PHACTR1: variants seen among roughly 807,000 people sequenced by gnomAD.
PHACTR1 encodes the protein phosphatase and actin regulator 1.
A neutral mutation model predicts 69.2 loss-of-function variants in PHACTR1; 16 were observed. That is an observed-to-expected ratio of 0.23 (90% CI 0.16 to 0.35). The LOEUF (loss-of-function observed/expected upper bound fraction) is 0.35, where lower values mean the gene tolerates loss of function less well. Ranked by LOEUF, PHACTR1 falls within the 10% of genes least tolerant of loss-of-function variation. PHACTR1 has a pLI of 1.00. For synonymous variants in PHACTR1, 312 were observed against 284.5 expected (o/e 1.10, Z -0.97); for missense variants, 510 against 734.7 (o/e 0.69, Z 3.54).
intron 5 of PHACTR1, among the ~76,000 whole-genome samples, chr6:13,135,890 A>C (rs528059895): frequency 4.8e-4 from 73 of 152,186 alleles, no homozygotes; most frequent in African/African-American, 1.7e-3. Context: ...AAAAATAAAT[A>C]AAAATGTATT....
intron 4 of PHACTR1, among the ~76,000 whole-genome samples, chr6:12,907,944 A>G (rs1470698517): frequency 1.3e-5 from 2 of 152,224 alleles, no homozygotes; most frequent in African/African-American, 4.8e-5. Context: ...GTCATGTTTT[A>G]ATTATTATTT....
chr6:13,075,298 TGCCC>T (rs1810251367), intron 5 of PHACTR1, among the ~76,000 whole-genome samples: 2 of 152,144 alleles, frequency 1.3e-5, no homozygotes, highest in Non-Finnish European at 2.9e-5. Context: ...TTAAGCAACT[TGCCC>T]CAAGGTCGCG....
chr6:13,215,193 G>A (rs981976901), intron 8 of PHACTR1, among the ~76,000 whole-genome samples: 3 of 152,188 alleles, frequency 2.0e-5, no homozygotes, highest in Non-Finnish European at 4.4e-5. Flanking sequence ...ACCAGGCTCC[G>A]TGCTTGGCAC....
At chr6:12,945,158 C>T (rs1790536493) in intron 4 of PHACTR1, among the ~76,000 whole-genome samples, 2 of 152,110 alleles carry the variant, frequency 1.3e-5, no homozygotes, top group African/African-American at 4.8e-5. Context: ...ACATTCTTCC[C>T]CTTTTGCCTC....
chr6:13,052,339 C>T (rs1806090057), intron 4 of PHACTR1, among the ~76,000 whole-genome samples: 1 of 152,218 alleles, frequency 6.6e-6, no homozygotes, highest in African/African-American at 2.4e-5. Flanking sequence ...GCAGGTTGAA[C>T]TTGCAAGGAA....
chr6:13,052,108 G>T (rs954082220), intron 4 of PHACTR1, among the ~76,000 whole-genome samples: 51 of 152,288 alleles, frequency 3.3e-4, no homozygotes, highest in African/African-American at 1.2e-3. Flanking sequence ...CACTCAATCA[G>T]TCACTAAGTT....
At chr6:12,930,569 C>G (rs1788757705) in intron 4 of PHACTR1, among the ~76,000 whole-genome samples, 1 of 152,162 alleles carries the variant, frequency 6.6e-6, no homozygotes. Flanking sequence ...GGTGGTGAGT[C>G]ACTGCAGAAG....
intron 11 of PHACTR1, 83 bp from the exon 12 acceptor site, chr6:13,278,185 T>A: frequency 7.5e-7 from 1 of 1,337,300 alleles, no homozygotes; most frequent in Non-Finnish European, 1.0e-6. Context: ...ATGCTTGGCC[T>A]AGAGCCTGCC....
intron 4 of PHACTR1, among the ~76,000 whole-genome samples, chr6:12,875,908 G>A (rs748173851): frequency 2.0e-5 from 3 of 152,136 alleles, no homozygotes; most frequent in South Asian, 2.1e-4. Context: ...GGGGCGCTGC[G>A]TGGAAAAACC....
chr6:13,065,088 G>A (rs1808425418), intron 5 of PHACTR1, among the ~76,000 whole-genome samples: 1 of 152,136 alleles, frequency 6.6e-6, no homozygotes, highest in Admixed American at 6.5e-5. Flanking sequence ...TTTATTTGGG[G>A]CCATGCCAGC....
At chr6:12,797,040 T>TGTGTGTGTGTGTGTGTGAGAGA (rs563796658) in intron 4 of PHACTR1, among the ~76,000 whole-genome samples, 3 of 133,396 alleles carry the variant, frequency 2.2e-5, no homozygotes, top group Admixed American at 7.8e-5. Context: ...TGTGTGTGTG[T>TGTGTGTGTGTGTGTGTGAGAGA]GAGAGAGAGA....
At chr6:12,893,177 A>G (rs531292171) in intron 4 of PHACTR1, among the ~76,000 whole-genome samples, 8 of 152,280 alleles carry the variant, frequency 5.3e-5, no homozygotes, top group Non-Finnish European at 8.8e-5. Flanking sequence ...CCTGTAAGCC[A>G]TATCTTACAG....
intron 6 of PHACTR1, 73 bp downstream of exon 6, chr6:13,160,357 TC>T: frequency 7.7e-7 from 1 of 1,291,446 alleles, no homozygotes; most frequent in African/African-American, 1.5e-5. Flanking sequence ...TGCTTGGAGT[TC>T]CATTTCATTT....
chr6:13,032,636 G>C (rs1352229311), intron 4 of PHACTR1, among the ~76,000 whole-genome samples: 1 of 140,620 alleles, frequency 7.1e-6, no homozygotes, highest in Non-Finnish European at 1.5e-5. Context: ...TTTTTTTTTT[G>C]ACATGGGGTC....
At chr6:12,806,872 T>G (rs1774408245) in intron 4 of PHACTR1, among the ~76,000 whole-genome samples, 1 of 152,178 alleles carries the variant, frequency 6.6e-6, no homozygotes, top group Non-Finnish European at 1.5e-5. Flanking sequence ...GGACATATAT[T>G]TTCAGAATTG....
rs1381162771 is a variant in PHACTR1 at position 13,245,296 on chromosome 6, GC to G, written c.1391+15104del. ...ATGGCTGTTTACAATCCCACCAGTA[GC>G]ATGTAAGCATTCTCTTTTCCCCACA... On this transcript the variant is annotated intron_variant, in intron 10 of 14. Transcript: ENST00000332995. The surrounding 1 kb of genome is among the most constrained non-coding windows in gnomAD (Gnocchi z 4.1). 6.6e-6 allele frequency among the ~76,000 whole-genome samples: 1 copy of G among 152,198 alleles called. No individual in the cohort carries two copies. Among genetic ancestry groups the G allele is most frequent in the Non-Finnish European group, 1.5e-5 (1 of 68,028 alleles).
chr6:12,843,599 A>G (rs1778914181), intron 4 of PHACTR1, among the ~76,000 whole-genome samples: 1 of 152,242 alleles, frequency 6.6e-6, no homozygotes, highest in African/African-American at 2.4e-5. Context: ...GTGTTAAACC[A>G]TGCATCATAA....
rs895103993 is a variant in PHACTR1 at position 12,902,281 on chromosome 6, G to A, written c.251-151084G>A. ...CTATTAAAAATACAAAAATTAGCTG[G>A]ATATGGTGGCACGTACCTGTAATAT... On this transcript the variant is annotated intron_variant, in intron 4 of 14. Coordinates refer to ENST00000332995, the MANE Select transcript of PHACTR1 (RefSeq NM_030948.6). Among the ~76,000 whole-genome samples, 3 of 152,104 alleles carry A rather than the reference G, an allele frequency of 2.0e-5. No homozygotes were observed. The East Asian group carries it at 5.8e-4, about 29-fold the overall frequency.
chr6:12,999,605 G>C (rs573102418), intron 4 of PHACTR1, among the ~76,000 whole-genome samples: 1 of 152,044 alleles, frequency 6.6e-6, no homozygotes, highest in South Asian at 2.1e-4. Context: ...TCTCAGAAAA[G>C]AAAAAACAAA....
Sources: allele counts gnomAD v4.1 joint callset (sites outside exome capture counted in the v4.1 genomes callset), GRCh38; gene constraint gnomAD v4.1.1; non-coding constraint Gnocchi (gnomAD v3.1); transcripts MANE v1.5; gene names NCBI Gene and HGNC (gene_info 2026-07-23, HGNC 2026-07-21).